PACRG: variants seen among roughly 807,000 people sequenced by gnomAD.
The protein encoded by PACRG is parkin coregulated gene protein.
A neutral mutation model predicts 29.7 loss-of-function variants in PACRG; 29 were observed. The observed-to-expected ratio is 0.98, with a 90% CI of 0.73 to 1.33. PACRG has a LOEUF of 1.33. PACRG is among the 40% of genes most tolerant of loss of function. PACRG has a pLI of 0.00. For synonymous variants in PACRG, 116 were observed against 118.7 expected, an observed-to-expected ratio of 0.98 and a Z score of 0.15; for missense variants, 279 against 316.2, an observed-to-expected ratio of 0.88 and a Z score of 0.89.
chr6:162,970,948 CA>C (rs1210523921), intron 2 of PACRG, among the ~76,000 whole-genome samples: 1 of 152,162 alleles, frequency 6.6e-6, no homozygotes, highest in Admixed American at 6.5e-5. Context: ...AAATACATTC[CA>C]TTTTTAACGT....
At chr6:163,035,947 A>G (rs1369584933) in intron 2 of PACRG, among the ~76,000 whole-genome samples, 2 of 152,102 alleles carry the variant, frequency 1.3e-5, no homozygotes, top group East Asian at 3.9e-4. Context: ...ACAGTTACAC[A>G]TTTGCCAGTA....
At chr6:162,932,035 C>A (rs1004352621) in intron 2 of PACRG, among the ~76,000 whole-genome samples, 2 of 151,852 alleles carry the variant, frequency 1.3e-5, no homozygotes, top group East Asian at 3.9e-4. Context: ...CTTGGGTAAG[C>A]AAATGATGAT....
intron 2 of PACRG, among the ~76,000 whole-genome samples, chr6:162,941,040 GTT>G (rs1798587743): frequency 2.3e-5 from 1 of 43,986 alleles, no homozygotes; most frequent in Non-Finnish European, 5.2e-5. Context: ...ATATGTGTGT[GTT>G]TGTGCATGTG....
At chr6:162,964,799 GA>G (rs1800896122) in intron 2 of PACRG, among the ~76,000 whole-genome samples, 1 of 152,220 alleles carries the variant, frequency 6.6e-6, no homozygotes, top group South Asian at 2.1e-4. Flanking sequence ...CTAAGTCACT[GA>G]CCCCCAGGAT....
intron 1 of PACRG, among the ~76,000 whole-genome samples, chr6:162,794,219 G>A (rs1785183331): frequency 6.6e-6 from 1 of 152,006 alleles, no homozygotes; most frequent in Admixed American, 6.6e-5. Context: ...TAATGAAATT[G>A]AGCATTTTTA....
chr6:163,255,497 G>T (rs1292739982), intron 4 of PACRG, among the ~76,000 whole-genome samples: 4 of 152,194 alleles, frequency 2.6e-5, no homozygotes, highest in African/African-American at 9.6e-5. Flanking sequence ...TCTGTCTGAG[G>T]GTCAAGCAGG....
chr6:163,181,910 C>T (rs974654637), intron 4 of PACRG, among the ~76,000 whole-genome samples: 3 of 152,166 alleles, frequency 2.0e-5, no homozygotes, highest in Admixed American at 1.3e-4. Flanking sequence ...GGTTCCACCA[C>T]GCCCCCAGAA....
chr6:163,132,495 A>C (rs539907464), intron 4 of PACRG, among the ~76,000 whole-genome samples: 1 of 152,188 alleles, frequency 6.6e-6, no homozygotes, highest in Non-Finnish European at 1.5e-5. Flanking sequence ...TTCTATATCC[A>C]TTTCCTCTAA....
chr6:162,969,151 T>C (rs1352060371), intron 2 of PACRG, among the ~76,000 whole-genome samples: 1 of 151,808 alleles, frequency 6.6e-6, no homozygotes, highest in African/African-American at 2.4e-5. Flanking sequence ...CTAATTGTAT[T>C]CACTTATGTA....
intron 1 of PACRG, among the ~76,000 whole-genome samples, chr6:162,794,315 G>A (rs1318974387): frequency 6.6e-6 from 1 of 151,878 alleles, no homozygotes; most frequent in Non-Finnish European, 1.5e-5. Context: ...TCTTTTTCTT[G>A]TTGATCTGTT....
At chr6:162,911,475 T>G (rs149312769) in intron 2 of PACRG, among the ~76,000 whole-genome samples, 27 of 152,342 alleles carry the variant, frequency 1.8e-4, no homozygotes, top group African/African-American at 4.8e-4. Flanking sequence ...GTAGTATCTT[T>G]TCCAATGTTT....
intron 4 of PACRG, among the ~76,000 whole-genome samples, chr6:163,193,949 G>C (rs1780334783): frequency 6.8e-6 from 1 of 146,976 alleles, no homozygotes; most frequent in African/African-American, 2.5e-5. Flanking sequence ...CTGGAGTGCA[G>C]TGCCGCGATC....
At chr6:162,909,902 G>T (rs890069804) in intron 2 of PACRG, among the ~76,000 whole-genome samples, 1 of 152,160 alleles carries the variant, frequency 6.6e-6, no homozygotes, top group South Asian at 2.1e-4. Context: ...GATTTGAATC[G>T]GTTTTACACT....
At chr6:163,190,825 C>T in intron 4 of PACRG, 2 of 378,520 alleles carry the variant, frequency 5.3e-6, no homozygotes, top group Non-Finnish European at 1.1e-5. Flanking sequence ...AACTTAACAA[C>T]TTCGTCTTCT....
chr6:162,958,881 A>ATATATATATT (rs1285995698), intron 2 of PACRG, among the ~76,000 whole-genome samples: 23 of 16,848 alleles, frequency 1.4e-3, no homozygotes, highest in Middle Eastern at 0.031. Context: ...ATATATATAT[A>ATATATATATT]TATAGAGAGA....
At position 163,080,046 on chromosome 6, in the gene PACRG, C is replaced by T. The variant is rs538981031; in HGVS notation, c.464-9213C>T. On this transcript the variant is annotated intron_variant, in intron 3 of 4. Coordinates refer to ENST00000366888, the MANE Select transcript of PACRG (RefSeq NM_001080379.2). ...CCTTAGTAGCTGAAACTACAGGTGC[C>T]CGCCACCACGCCTGGCTAATTTTTT... 2.2e-4 allele frequency among the ~76,000 whole-genome samples: 34 copies of T among 151,674 alleles called. No homozygotes were observed. The East Asian group carries it at 6.6e-3, about 30-fold the overall frequency.
At chr6:162,956,949 C>T (rs979673865) in intron 2 of PACRG, among the ~76,000 whole-genome samples, 8 of 151,974 alleles carry the variant, frequency 5.3e-5, no homozygotes, top group South Asian at 2.1e-4. Context: ...TCATTCATGA[C>T]GTTTACTGCA....
rs60737521 is a variant in PACRG, at chr6:163,037,730, T to C, written c.292-24420T>C. 4.3e-3 allele frequency among the ~76,000 whole-genome samples: 655 copies of C among 152,284 alleles called. 5 individuals are homozygous for C. Among genetic ancestry groups the C allele is most frequent in the African/African-American group, 0.015 (630 of 41,576 alleles). ...CGGTTACCTACAGCACAGACGCATG[T>C]GCACATGCATGCACACACACACACA... On this transcript the variant is annotated intron_variant, in intron 2 of 4. Transcript: ENST00000366888.
At chr6:162,996,086 A>T (rs1804014123) in intron 2 of PACRG, among the ~76,000 whole-genome samples, 1 of 152,202 alleles carries the variant, frequency 6.6e-6, no homozygotes, top group Non-Finnish European at 1.5e-5. Context: ...ATATTTGTAT[A>T]CTTGTAATTT....
Sources: gnomAD v4.1 joint callset for allele counts (sites outside exome capture counted in the v4.1 genomes callset) on GRCh38, gnomAD v4.1.1 for gene constraint, MANE v1.5 for transcripts, NCBI Gene and HGNC (gene_info 2026-07-23, HGNC 2026-07-21) for gene names.